Variants in AOAH observed in about 807,000 individuals in gnomAD.
AOAH encodes acyloxyacyl hydrolase (neutrophil).
A neutral mutation model predicts 92.2 loss-of-function variants in AOAH; 64 were observed. The observed-to-expected ratio is 0.69, with a 90% confidence interval of 0.57 to 0.86. The LOEUF (loss-of-function observed/expected upper bound fraction) is 0.86, where lower values mean the gene tolerates loss of function less well. AOAH is among the 40% of genes least tolerant of loss of function. The pLI, the probability that AOAH is intolerant of heterozygous loss-of-function variation, is 0.00. For missense variants in AOAH, 656 were observed against 694.6 expected (o/e 0.94, Z 0.62); for synonymous variants, 263 against 254.5 (o/e 1.03, Z -0.32).
At chr7:36,530,733 G>A (rs931966190) in intron 18 of AOAH, 8 of 468,634 alleles carry the variant, frequency 1.7e-5, no homozygotes, top group Admixed American at 3.7e-5. Context: ...TCAAATCAGT[G>A]TAAATTAGTG....
intron 20 of AOAH, among the ~76,000 whole-genome samples, chr7:36,520,597 C>T (rs1208420906): frequency 6.6e-6 from 1 of 151,768 alleles, no homozygotes; most frequent in Non-Finnish European, 1.5e-5. Flanking sequence ...CCCAGCTACT[C>T]AGGAAGCTGA....
In AOAH at chr7:36,526,682, GT is replaced by G. The variant is rs1161515559; in HGVS notation, c.1522+3735del. Among the ~76,000 whole-genome samples, 29 of 152,292 alleles carry G rather than the reference GT, an allele frequency of 1.9e-4. No individual in the cohort carries two copies. The South Asian group carries it at 2.1e-3, about 11-fold the overall frequency. ...GGAGATTTGGAGCATAATGTATTTT[GT>G]TTTGTTTTCTTCTTCTTTAATGTAG... On this transcript the variant is annotated intron_variant, in intron 19 of 20. Coordinates refer to ENST00000617537, the MANE Select transcript of AOAH (RefSeq NM_001637.4).
At chr7:36,695,988 T>A (rs1797684507) in intron 1 of AOAH, among the ~76,000 whole-genome samples, 1 of 152,206 alleles carries the variant, frequency 6.6e-6, no homozygotes. Flanking sequence ...TTCTCCCTCA[T>A]CCTTTTTTTA....
At chr7:36,622,777 G>A (rs1681973938) in intron 7 of AOAH, among the ~76,000 whole-genome samples, 1 of 152,198 alleles carries the variant, frequency 6.6e-6, no homozygotes, top group South Asian at 2.1e-4. Flanking sequence ...TGGCTGTGGT[G>A]GCTCATGCCT....
chr7:36,613,510 G>C (rs890476718), intron 11 of AOAH, among the ~76,000 whole-genome samples: 1 of 152,180 alleles, frequency 6.6e-6, no homozygotes, highest in Admixed American at 6.5e-5. Context: ...CTTCCTCTCT[G>C]CCTGATGTCT....
At chr7:36,548,136 A>C (rs1356441660) in intron 15 of AOAH, among the ~76,000 whole-genome samples, 1 of 152,230 alleles carries the variant, frequency 6.6e-6, no homozygotes, top group Non-Finnish European at 1.5e-5. Flanking sequence ...AGATATTTTC[A>C]AAAGAGGCTT....
At chr7:36,557,216 A>C (rs1242572847) in intron 13 of AOAH, among the ~76,000 whole-genome samples, 6 of 152,102 alleles carry the variant, frequency 3.9e-5, no homozygotes, top group Non-Finnish European at 8.8e-5. Context: ...CTTATCTGTA[A>C]AGGATTTTAT....
intron 1 of AOAH, among the ~76,000 whole-genome samples, chr7:36,717,589 C>G (rs962138756): frequency 1.3e-5 from 2 of 149,186 alleles, no homozygotes; most frequent in Admixed American, 6.7e-5. Context: ...GGCGAGGCAC[C>G]GGGAGAGAGA....
chr7:36,624,133 C>A (rs1792471086), intron 6 of AOAH, among the ~76,000 whole-genome samples: 1 of 152,192 alleles, frequency 6.6e-6, no homozygotes, highest in Admixed American at 6.5e-5. Flanking sequence ...TATTCTCAGG[C>A]CTGCTTCTAC....
chr7:36,633,501 C>T (rs1012409088), intron 5 of AOAH, among the ~76,000 whole-genome samples: 2 of 152,196 alleles, frequency 1.3e-5, no homozygotes, highest in African/African-American at 4.8e-5. Context: ...AGTAGCCTGG[C>T]TCCCGGAAGA....
At chr7:36,632,127 A>T in intron 5 of AOAH, 21 bp from the exon 6 acceptor site, 1 of 1,583,264 alleles carries the variant, frequency 6.3e-7, no homozygotes, top group Non-Finnish European at 8.6e-7. Context: ...AAAAAAAAAC[A>T]AAAAGAGAGT....
At position 36,576,655 on chromosome 7, in the gene AOAH, T is replaced by A. The variant is rs200179795; in HGVS notation, c.940A>T (p.Ile314Phe). 6.6e-7 allele frequency: 1 copy of A among 1,507,876 alleles called. No individual in the cohort carries two copies. The highest frequency in any genetic ancestry group is 9.1e-7 in the Non-Finnish European group (1 of 1,095,130). 93.4% of individuals were successfully genotyped at this position (1,507,876 alleles called of 1,614,324 possible). Residue 314 changes from isoleucine to phenylalanine, a missense_variant and splice_region_variant, in exon 13 of 21, where the codon ATT becomes TTT. Transcript: ENST00000617537. Reference protein sequence around the residue: ...ATGFLDSTVGIKEKSIYLRLW... With the variant: ...ATGFLDSTVGFKEKSIYLRLW... ...CGAAGGTAAATAGATTTTTCTTTAA[T>A]TCTGAAACAAATATATATGTATATA... is the stretch of plus-strand genomic sequence containing the variant.
Position 36,668,404 on chromosome 7 carries a change from T to G in AOAH, c.290+5539A>C, listed in dbSNP as rs371814236. On this transcript the variant is annotated intron_variant, in intron 3 of 20. Coordinates refer to ENST00000617537, the MANE Select transcript of AOAH (RefSeq NM_001637.4). ...CTGGCTCCTGTGGCAATTTTTGCCC[T>G]GGAAAGTTGTGATTCTCTGTATCCA... is the stretch of plus-strand genomic sequence containing the variant. Among the ~76,000 whole-genome samples the G allele has an allele frequency of 2.6e-5, 4 of 152,358 alleles. No homozygotes were observed. In the South Asian group the frequency reaches 8.3e-4, roughly 32 times the overall value.
chr7:36,682,904 A>G (rs1015879953), intron 2 of AOAH, among the ~76,000 whole-genome samples: 1 of 152,164 alleles, frequency 6.6e-6, no homozygotes, highest in Non-Finnish European at 1.5e-5. Flanking sequence ...CCAGAAGAAA[A>G]AAACAAAATC....
At chr7:36,629,628 C>T (rs577091503) in intron 6 of AOAH, among the ~76,000 whole-genome samples, 51 of 152,290 alleles carry the variant, frequency 3.3e-4, no homozygotes, top group African/African-American at 1.2e-3. Context: ...ACATAGCTGG[C>T]TTGCAGGGGC....
intron 4 of AOAH, among the ~76,000 whole-genome samples, chr7:36,649,375 A>G (rs1373117108): frequency 6.6e-6 from 1 of 152,198 alleles, no homozygotes; most frequent in Non-Finnish European, 1.5e-5. Flanking sequence ...CTTTGTAATT[A>G]GTCAGCATGA....
chr7:36,520,142 A>G (rs1483890447), intron 20 of AOAH, among the ~76,000 whole-genome samples: 1 of 152,236 alleles, frequency 6.6e-6, no homozygotes, highest in Non-Finnish European at 1.5e-5. Context: ...AATCAGATAT[A>G]GGTGAAACTG....
chr7:36,556,607 G>C (rs1165649531), intron 13 of AOAH, among the ~76,000 whole-genome samples: 1 of 147,552 alleles, frequency 6.8e-6, no homozygotes. Context: ...CATTATTATT[G>C]TGTGGGAGTC....
chr7:36,694,567 T>C (rs1797593659), intron 1 of AOAH, among the ~76,000 whole-genome samples: 1 of 152,198 alleles, frequency 6.6e-6, no homozygotes, highest in Non-Finnish European at 1.5e-5. Flanking sequence ...TTGTCTATAC[T>C]ATATTTTAAA....
Sources: gnomAD v4.1 joint callset for allele counts (sites outside exome capture counted in the v4.1 genomes callset) on GRCh38, gnomAD v4.1.1 for gene constraint, MANE v1.5 for transcripts, NCBI Gene and HGNC (gene_info 2026-07-23, HGNC 2026-07-21) for gene names.